The following JAKMIP2 variants were observed in gnomAD, a reference collection of about 807,000 sequenced individuals.
The protein encoded by JAKMIP2 is janus kinase and microtubule interacting protein 2, also known as janus kinase and microtubule-interacting protein 2.
In JAKMIP2, 25 loss-of-function variants were observed where a neutral mutation model predicts 115.0. That is an observed-to-expected ratio of 0.22 (90% CI 0.16 to 0.30). The LOEUF (loss-of-function observed/expected upper bound fraction) is 0.30. JAKMIP2 is among the 10% of genes least tolerant of loss of function. The pLI is 1.00. For missense variants in JAKMIP2, 642 were observed against 957.6 expected (o/e 0.67, Z 4.35); for synonymous variants, 334 against 343.6 (o/e 0.97, Z 0.31).
At chr5:147,694,926 T>C (rs934248871) in intron 1 of JAKMIP2, among the ~76,000 whole-genome samples, 23 of 152,318 alleles carry the variant, frequency 1.5e-4, no homozygotes, top group African/African-American at 5.5e-4. Flanking sequence ...TGACAAATTT[T>C]GTGTTTGTTT....
chr5:147,760,597 T>G (rs994657382), intron 1 of JAKMIP2, among the ~76,000 whole-genome samples: 21 of 152,106 alleles, frequency 1.4e-4, no homozygotes, highest in African/African-American at 4.8e-4. Context: ...ATCATTAGAA[T>G]GATGACAATG....
At chr5:147,780,344 T>C (rs995824653) in intron 1 of JAKMIP2, among the ~76,000 whole-genome samples, 22 of 152,216 alleles carry the variant, frequency 1.4e-4, no homozygotes, top group Non-Finnish European at 2.4e-4. Flanking sequence ...ACTTTGCCTA[T>C]AAAACCACCT....
chr5:147,603,963 TATC>T (rs1168196076), intron 20 of JAKMIP2, among the ~76,000 whole-genome samples: 1 of 152,082 alleles, frequency 6.6e-6, no homozygotes, highest in Non-Finnish European at 1.5e-5. Context: ...ACTGAATGGG[TATC>T]ATCGAGTTTT....
chr5:147,722,150 A>T (rs1437456318), intron 1 of JAKMIP2, among the ~76,000 whole-genome samples: 3 of 152,196 alleles, frequency 2.0e-5, no homozygotes, highest in Admixed American at 6.5e-5. Flanking sequence ...ATAACATTTT[A>T]AAAAATCAAC....
Position 147,672,844 on chromosome 5 carries a change from T to A in JAKMIP2, c.-148-890A>T, listed in dbSNP as rs1228909592. 3.3e-5 allele frequency among the ~76,000 whole-genome samples: 5 copies of A among 152,156 alleles called. No homozygotes were observed. In the East Asian group the frequency reaches 9.7e-4, roughly 29 times the overall value. On this transcript the variant is annotated intron_variant, in intron 1 of 21. Coordinates refer to ENST00000616793, the MANE Select transcript of JAKMIP2 (RefSeq NM_001270941.2). ...AACAGAGAGAAATCACAGTGACTATTTGTGGGAAGAAATAGGGCCTGATTA... is the reference window on the plus strand; with the variant it reads ...AACAGAGAGAAATCACAGTGACTATATGTGGGAAGAAATAGGGCCTGATTA...
At chr5:147,747,259 T>C (rs1754381018) in intron 1 of JAKMIP2, among the ~76,000 whole-genome samples, 1 of 152,114 alleles carries the variant, frequency 6.6e-6, no homozygotes, top group African/African-American at 2.4e-5. Context: ...TGATCTGCTC[T>C]TCATTTCTCA....
chr5:147,657,640 A>T (rs182649493), intron 3 of JAKMIP2, among the ~76,000 whole-genome samples: 1 of 152,214 alleles, frequency 6.6e-6, no homozygotes, highest in Non-Finnish European at 1.5e-5. Context: ...CAGGTATTCC[A>T]GTCAATTGTA....
chr5:147,657,996 C>A (rs189618610), intron 3 of JAKMIP2, among the ~76,000 whole-genome samples: 2 of 152,174 alleles, frequency 1.3e-5, no homozygotes, highest in East Asian at 3.9e-4. Context: ...CCTTCTGAAG[C>A]CTACTTCTGT....
intron 1 of JAKMIP2, among the ~76,000 whole-genome samples, chr5:147,673,760 A>T (rs1046591241): frequency 6.6e-6 from 1 of 152,208 alleles, no homozygotes; most frequent in Admixed American, 6.5e-5. Flanking sequence ...CAGCACCAAT[A>T]GGCAAAAGGA....
chr5:147,740,400 GT>G (rs1561570142), intron 1 of JAKMIP2, among the ~76,000 whole-genome samples: 1 of 152,208 alleles, frequency 6.6e-6, no homozygotes, highest in Non-Finnish European at 1.5e-5. Context: ...ATTGCTGGAG[GT>G]TAGGGAGCTG....
At chr5:147,766,244 T>C (rs976458042) in intron 1 of JAKMIP2, among the ~76,000 whole-genome samples, 5 of 152,290 alleles carry the variant, frequency 3.3e-5, no homozygotes, top group African/African-American at 1.2e-4. Flanking sequence ...AAAAAGACTT[T>C]GGATTCAGAA....
intron 1 of JAKMIP2, among the ~76,000 whole-genome samples, chr5:147,705,790 A>G (rs1561549485): frequency 6.6e-6 from 1 of 152,196 alleles, no homozygotes; most frequent in Non-Finnish European, 1.5e-5. Flanking sequence ...TATTATGCAT[A>G]ATTAAGGACT....
chr5:147,626,210 C>T (rs1373846441), intron 16 of JAKMIP2, among the ~76,000 whole-genome samples: 1 of 152,182 alleles, frequency 6.6e-6, no homozygotes, highest in Admixed American at 6.5e-5. Context: ...AAAGTCTGCA[C>T]AAAAGGCAGC....
chr5:147,597,440 A>C (rs1755454632), intron 21 of JAKMIP2, among the ~76,000 whole-genome samples: 1 of 152,208 alleles, frequency 6.6e-6, no homozygotes, highest in Admixed American at 6.5e-5. Flanking sequence ...ATATCATTAA[A>C]ATTTATATAC....
At chr5:147,658,372 C>T (rs1048171099) in intron 3 of JAKMIP2, among the ~76,000 whole-genome samples, 4 of 152,200 alleles carry the variant, frequency 2.6e-5, no homozygotes, top group Non-Finnish European at 4.4e-5. Flanking sequence ...GCTGCCTGCT[C>T]TTTCCTCTGG....
In JAKMIP2 at chr5:147,661,302, G is replaced by A. The variant is rs1005289162; in HGVS notation, c.273C>T (p.Asn91=). Residue 91 remains asparagine, a synonymous_variant, in exon 3 of 22, where the codon AAC becomes AAT. Coordinates refer to ENST00000616793, the MANE Select transcript of JAKMIP2 (RefSeq NM_001270941.2). ...KMKELQAVRE[N]LIKQHEQEMS... Reference sequence around the variant, plus strand: ...TTTCCTGCTCGTGCTGCTTGATAAGGTTCTCCCTCACAGCCTGCAGCTCCT... The same window carrying A: ...TTTCCTGCTCGTGCTGCTTGATAAGATTCTCCCTCACAGCCTGCAGCTCCT... 1 of 1,613,732 alleles carries A rather than the reference G, an allele frequency of 6.2e-7. No homozygotes were observed. The highest frequency in any genetic ancestry group is 8.5e-7 in the Non-Finnish European group (1 of 1,180,004).
chr5:147,601,509 G>A (rs1755697244), intron 21 of JAKMIP2, among the ~76,000 whole-genome samples: 1 of 152,110 alleles, frequency 6.6e-6, no homozygotes, highest in Non-Finnish European at 1.5e-5. Context: ...TGAGGTTGGA[G>A]GATCGCTTTG....
At chr5:147,680,822 A>C (rs906591633) in intron 1 of JAKMIP2, among the ~76,000 whole-genome samples, 14 of 152,212 alleles carry the variant, frequency 9.2e-5, no homozygotes, top group Non-Finnish European at 1.0e-4. Context: ...TTGAAGTTCT[A>C]CCTTCTCTTA....
intron 21 of JAKMIP2, among the ~76,000 whole-genome samples, chr5:147,599,720 T>C (rs1272289610): frequency 2.0e-5 from 3 of 152,182 alleles, no homozygotes; most frequent in Non-Finnish European, 4.4e-5. Flanking sequence ...GCTTGAAACA[T>C]GGGAGAAAGG....
Sources: allele counts gnomAD v4.1 joint callset (sites outside exome capture counted in the v4.1 genomes callset), GRCh38; gene constraint gnomAD v4.1.1; transcripts MANE v1.5; gene names NCBI Gene and HGNC (gene_info 2026-07-23, HGNC 2026-07-21).